The following FOXN3 variants were observed in gnomAD, a reference collection of about 807,000 sequenced individuals.
FOXN3 encodes forkhead box N3, also known as forkhead box protein N3.
FOXN3 carries 7 observed loss-of-function variants against 38.4 expected under a neutral mutation model. The observed-to-expected ratio is 0.18, with a 90% CI of 0.10 to 0.34. The LOEUF (loss-of-function observed/expected upper bound fraction) is 0.34, where lower values mean the gene tolerates loss of function less well. FOXN3 is among the 10% of genes least tolerant of loss of function. The pLI, the probability that FOXN3 is intolerant of heterozygous loss-of-function variation, is 1.00. For synonymous variants in FOXN3, 230 were observed against 242.2 expected, an observed-to-expected ratio of 0.95 and a Z score of 0.47; for missense variants, 456 against 613.4, an observed-to-expected ratio of 0.74 and a Z score of 2.71.
chr14:89,324,888 G>C (rs1448862032), intron 3 of FOXN3, among the ~76,000 whole-genome samples: 1 of 152,124 alleles, frequency 6.6e-6, no homozygotes, highest in East Asian at 1.9e-4. Flanking sequence ...CAGCAGGTCT[G>C]GGGTGACGTC....
intron 2 of FOXN3, among the ~76,000 whole-genome samples, chr14:89,371,893 TCTC>T (rs1229887901): frequency 2.0e-5 from 3 of 152,128 alleles, no homozygotes; most frequent in Non-Finnish European, 1.5e-5. Flanking sequence ...TATCTGCTCT[TCTC>T]CTTCACCCGT....
intron 1 of FOXN3, among the ~76,000 whole-genome samples, chr14:89,584,425 C>A (rs1250172296): frequency 6.6e-6 from 1 of 152,022 alleles, no homozygotes; most frequent in Non-Finnish European, 1.5e-5. Context: ...AAATAAATAA[C>A]CTAGTGTCAG....
At chr14:89,421,145 C>CTTTTTTTT (rs570024684), upstream of FOXN3, among the ~76,000 whole-genome samples, 9 of 108,178 alleles carry the variant, frequency 8.3e-5, no homozygotes, top group East Asian at 2.8e-4. Context: ...TTCTTTCTTT[C>CTTTTTTTT]TTTTTTTTTT....
intron 1 of FOXN3, among the ~76,000 whole-genome samples, chr14:89,614,461 G>C (rs1186731054): frequency 1.3e-5 from 2 of 152,086 alleles, no homozygotes; most frequent in Non-Finnish European, 1.5e-5. Flanking sequence ...TATGTACGTA[G>C]GCTTCCTAGG....
At chr14:89,537,141 A>T (rs970656134) in intron 1 of FOXN3, among the ~76,000 whole-genome samples, 8 of 152,202 alleles carry the variant, frequency 5.3e-5, no homozygotes, top group African/African-American at 1.7e-4. Flanking sequence ...CTGAATCCAC[A>T]TCCTAAACAG....
intron 1 of FOXN3, among the ~76,000 whole-genome samples, chr14:89,618,147 G>T (rs1330018745): frequency 6.6e-6 from 1 of 152,190 alleles, no homozygotes; most frequent in Non-Finnish European, 1.5e-5. Context: ...TTTCGGGTGA[G>T]GCACATTTTA....
intron 5 of FOXN3, among the ~76,000 whole-genome samples, chr14:89,173,058 T>C (rs1050332843): frequency 6.6e-6 from 1 of 152,098 alleles, no homozygotes; most frequent in African/African-American, 2.4e-5. Context: ...ATCTGCAACA[T>C]ATGTAGTCAA....
intron 2 of FOXN3, among the ~76,000 whole-genome samples, chr14:89,360,324 GAAGGA>G (rs1889417462): frequency 7.5e-6 from 1 of 132,712 alleles, no homozygotes; most frequent in African/African-American, 2.7e-5. Context: ...GGAAGAAAGA[GAAGGA>G]AAGAAAGAGG....
At chr14:89,552,209 G>T (rs924453396) in intron 1 of FOXN3, among the ~76,000 whole-genome samples, 1 of 152,166 alleles carries the variant, frequency 6.6e-6, no homozygotes, top group African/African-American at 2.4e-5. Context: ...AAATCACTCC[G>T]AATTGTGTGT....
At chr14:89,223,888 A>T (rs540811974) in intron 4 of FOXN3, among the ~76,000 whole-genome samples, 1 of 152,270 alleles carries the variant, frequency 6.6e-6, no homozygotes, top group South Asian at 2.1e-4. Context: ...CAAGACATCA[A>T]TGCAGATCAA....
At chr14:89,337,712 C>G (rs538045384) in intron 3 of FOXN3, among the ~76,000 whole-genome samples, 1 of 151,542 alleles carries the variant, frequency 6.6e-6, no homozygotes, top group Non-Finnish European at 1.5e-5. Flanking sequence ...TCACTGCAAC[C>G]TCTGCCTCCT....
chr14:89,245,416 C>T (rs1348966658), intron 4 of FOXN3, among the ~76,000 whole-genome samples: 1 of 151,748 alleles, frequency 6.6e-6, no homozygotes, highest in African/African-American at 2.4e-5. Flanking sequence ...AGAAACATTT[C>T]ACTGTCGAGT....
intron 1 of FOXN3, among the ~76,000 whole-genome samples, chr14:89,570,474 T>C (rs1317568604): frequency 6.6e-6 from 1 of 151,972 alleles, no homozygotes. Flanking sequence ...TCATGATGCA[T>C]TAAGAAGCTC....
chr14:89,252,374 G>C (rs376334171), intron 4 of FOXN3, among the ~76,000 whole-genome samples: 1 of 152,138 alleles, frequency 6.6e-6, no homozygotes, highest in Non-Finnish European at 1.5e-5. Context: ...CAGGAAATTG[G>C]CTGGGTGCAG....
intron 1 of FOXN3, among the ~76,000 whole-genome samples, chr14:89,463,697 C>T (rs1406248611): frequency 1.3e-5 from 2 of 152,062 alleles, no homozygotes; most frequent in Non-Finnish European, 2.9e-5. Flanking sequence ...ATCATTGCTT[C>T]AGGGCCATAA....
chr14:89,525,365 A>C (rs1339213405), intron 1 of FOXN3, among the ~76,000 whole-genome samples: 1 of 152,226 alleles, frequency 6.6e-6, no homozygotes, highest in Non-Finnish European at 1.5e-5. Flanking sequence ...TAGCATGCTA[A>C]GAGACACTCC....
upstream of FOXN3, among the ~76,000 whole-genome samples, chr14:89,419,003 C>T (rs551652569): frequency 1.3e-5 from 2 of 150,652 alleles, no homozygotes; most frequent in South Asian, 2.1e-4. Context: ...AGAGGTGGCA[C>T]CTTATTTTCA....
At chr14:89,312,217 A>C (rs1382774289) in intron 3 of FOXN3, among the ~76,000 whole-genome samples, 3 of 145,682 alleles carry the variant, frequency 2.1e-5, no homozygotes, top group Admixed American at 7.1e-5. Flanking sequence ...CCTGTGAGAC[A>C]GAGATTGCAG....
At chr14:89,189,422 G>A (rs1043252668) in intron 4 of FOXN3, among the ~76,000 whole-genome samples, 1 of 152,196 alleles carries the variant, frequency 6.6e-6, no homozygotes, top group East Asian at 1.9e-4. Context: ...GCCCCTAAGC[G>A]GTGGTGTTGT....
Sources: gnomAD v4.1 joint callset for allele counts (sites outside exome capture counted in the v4.1 genomes callset) on GRCh38, gnomAD v4.1.1 for gene constraint, MANE v1.5 for transcripts, NCBI Gene and HGNC (gene_info 2026-07-23, HGNC 2026-07-21) for gene names.